Variants in SLIT1 observed in about 807,000 individuals in gnomAD.
SLIT1 encodes the protein slit homolog 1 protein.
A neutral mutation model predicts 186.1 loss-of-function variants in SLIT1; 66 were observed. The ratio of observed to expected loss-of-function variants is 0.35; its 90% CI spans 0.29 to 0.44. SLIT1 has a LOEUF of 0.44. Ranked by LOEUF, SLIT1 falls within the 20% of genes least tolerant of loss-of-function variation. The pLI, the probability that SLIT1 is intolerant of heterozygous loss-of-function variation, is 1.00. For missense variants in SLIT1, 1,638 were observed against 2,037.4 expected, an observed-to-expected ratio of 0.80 and a Z score of 3.77; for synonymous variants, 761 against 833.8, an observed-to-expected ratio of 0.91 and a Z score of 1.50.
rs1262027553 is a variant in SLIT1, at chr10:97,004,637, T to A, written c.3710+56A>T. 3 of 1,607,316 alleles carry A rather than the reference T, an allele frequency of 1.9e-6. No individual in the cohort carries two copies. Among genetic ancestry groups the A allele is most frequent in the Non-Finnish European group, 2.6e-6 (3 of 1,175,186 alleles). Reference sequence around the variant, plus strand: ...CCACCTGCTTTTGGCCCAGGAGACCTCGCCCTGGCAGTCCCGTACCCCTGA... The same window carrying A: ...CCACCTGCTTTTGGCCCAGGAGACCACGCCCTGGCAGTCCCGTACCCCTGA... On this transcript the variant is annotated intron_variant, in intron 33 of 36. Coordinates refer to ENST00000266058, the MANE Select transcript of SLIT1 (RefSeq NM_003061.3). This position sits in a 1 kb window ranked among gnomAD's most constrained non-coding sequence, Gnocchi z 5.1.
intron 4 of SLIT1, among the ~76,000 whole-genome samples, chr10:97,147,861 G>A (rs1349109310): frequency 2.0e-5 from 3 of 152,126 alleles, no homozygotes; most frequent in African/African-American, 7.2e-5. Context: ...TCCCACCCCT[G>A]TGTCTGCACA....
Position 97,005,442 on chromosome 10 carries a change from T to C in SLIT1, c.3580-619A>G, listed in dbSNP as rs191959300. Among the ~76,000 whole-genome samples, 5 of 152,340 alleles carry C rather than the reference T, an allele frequency of 3.3e-5. No homozygotes were observed. The East Asian group carries it at 7.7e-4, about 23-fold the overall frequency. ...CTTCTGGTAAAGACCCTGAGCCCCC[T>C]GGTCTGTGGAGCTGGGCATATGACC... On this transcript the variant is annotated intron_variant, in intron 32 of 36. Coordinates refer to ENST00000266058, the MANE Select transcript of SLIT1 (RefSeq NM_003061.3).
At chr10:97,139,130 C>T (rs113949522) in intron 4 of SLIT1, among the ~76,000 whole-genome samples, 4 of 152,140 alleles carry the variant, frequency 2.6e-5, no homozygotes, top group Non-Finnish European at 4.4e-5. Context: ...GCCAAGTCAG[C>T]GGGAGTGAGG....
At chr10:97,070,508 G>A (rs558716610) in intron 4 of SLIT1, among the ~76,000 whole-genome samples, 4 of 152,248 alleles carry the variant, frequency 2.6e-5, no homozygotes, top group East Asian at 1.9e-4. Context: ...CTGAATTATC[G>A]TTTCCTCTCA....
intron 4 of SLIT1, among the ~76,000 whole-genome samples, chr10:97,156,356 T>A (rs1369572149): frequency 6.6e-6 from 1 of 152,124 alleles, no homozygotes; most frequent in Non-Finnish European, 1.5e-5. Flanking sequence ...GGCTGGTGGA[T>A]CGCTTGAGCC....
At chr10:97,007,912 T>C (rs972652965) in intron 31 of SLIT1, among the ~76,000 whole-genome samples, 2 of 151,760 alleles carry the variant, frequency 1.3e-5, no homozygotes, top group Non-Finnish European at 2.9e-5. Context: ...ACAATTTCTA[T>C]TCAATATTTT....
At chr10:97,130,060 G>T (rs562798192) in intron 4 of SLIT1, among the ~76,000 whole-genome samples, 41 of 152,236 alleles carry the variant, frequency 2.7e-4, no homozygotes, top group Non-Finnish European at 5.0e-4. Flanking sequence ...CCTCTCCGCC[G>T]CCAGGAACAG....
intron 4 of SLIT1, among the ~76,000 whole-genome samples, chr10:97,078,800 G>T (rs1849073330): frequency 6.6e-6 from 1 of 152,228 alleles, no homozygotes; most frequent in Admixed American, 6.5e-5. Context: ...AGGCCTCCGG[G>T]CTTACTCAAC....
In SLIT1 at chr10:97,049,115, G is replaced by A. The variant is rs2134627651; in HGVS notation, c.1305C>T (p.His435=). Residue 435 remains histidine, a synonymous_variant, in exon 14 of 37, where the codon CAC becomes CAT. Coordinates refer to ENST00000266058, the MANE Select transcript of SLIT1 (RefSeq NM_003061.3). ...CGCAAATGAAAGGGTTCTGCGCCAGGTGCCTGTCCAAAGCAGGCAGATCAG... is the reference window on the plus strand; with the variant it reads ...CGCAAATGAAAGGGTTCTGCGCCAGATGCCTGTCCAAAGCAGGCAGATCAG... The part of the protein sequence containing the change: ...FTSLRAIQTL[H]LAQNPFICDC... 3 of 1,612,502 alleles carry A rather than the reference G, an allele frequency of 1.9e-6. No homozygotes were observed. The highest frequency in any genetic ancestry group is 1.7e-6 in the Non-Finnish European group (2 of 1,179,788).
At chr10:97,071,912 T>C (rs1213166111) in intron 4 of SLIT1, among the ~76,000 whole-genome samples, 3 of 152,142 alleles carry the variant, frequency 2.0e-5, no homozygotes, top group Non-Finnish European at 4.4e-5. Flanking sequence ...AGCATCAAAG[T>C]ACAATTCAGC....
At chr10:97,030,614 C>A in intron 25 of SLIT1, 143 bp downstream of exon 25, 1 of 678,138 alleles carries the variant, frequency 1.5e-6, no homozygotes, top group Non-Finnish European at 2.7e-6. Context: ...ATAAGAGTCC[C>A]AGAAGGTGCA....
intron 1 of SLIT1, among the ~76,000 whole-genome samples, chr10:97,170,125 C>A (rs890283266): frequency 3.9e-5 from 6 of 152,222 alleles, no homozygotes; most frequent in Non-Finnish European, 8.8e-5. Flanking sequence ...ATCGGCGGCT[C>A]CCCCGCCAGG....
At chr10:97,173,959 G>A (rs1406995384) in intron 1 of SLIT1, among the ~76,000 whole-genome samples, 1 of 152,178 alleles carries the variant, frequency 6.6e-6, no homozygotes, top group East Asian at 1.9e-4. Flanking sequence ...TCAGCAGCAG[G>A]GCTTCCACTC....
At chr10:97,124,391 C>T (rs1051115027) in intron 4 of SLIT1, among the ~76,000 whole-genome samples, 11 of 152,218 alleles carry the variant, frequency 7.2e-5, no homozygotes, top group South Asian at 2.1e-4. Flanking sequence ...CTCCTCAGCA[C>T]GGTAGCTGCC....
chr10:97,002,648 C>A, intron 35 of SLIT1, 56 bp downstream of exon 35: 1 of 1,471,278 alleles, frequency 6.8e-7, no homozygotes, highest in East Asian at 2.3e-5. Flanking sequence ...CAGCCCTTCC[C>A]ATGGGGAAGG....
At chr10:97,049,275 C>A (rs1283829939) in intron 13 of SLIT1, among the ~76,000 whole-genome samples, 157 bp from the exon 14 acceptor site, 3 of 152,136 alleles carry the variant, frequency 2.0e-5, no homozygotes, top group Non-Finnish European at 1.5e-5. Flanking sequence ...TGGGGTGAAC[C>A]CCCAGGGTGC....
chr10:97,013,998 C>A, intron 29 of SLIT1, 21 bp downstream of exon 29: 1 of 1,611,520 alleles, frequency 6.2e-7, no homozygotes. Context: ...CCCCCAGACA[C>A]TGCTGCCCTG....
intron 22 of SLIT1, among the ~76,000 whole-genome samples, chr10:97,035,032 G>A (rs1848625935): frequency 6.6e-6 from 1 of 152,216 alleles, no homozygotes; most frequent in South Asian, 2.1e-4. Flanking sequence ...GTCGGAGGCA[G>A]AGCCAGATTC....
chr10:97,180,673 G>T (rs539956810), intron 1 of SLIT1, among the ~76,000 whole-genome samples: 1 of 152,118 alleles, frequency 6.6e-6, no homozygotes, highest in Non-Finnish European at 1.5e-5. Flanking sequence ...ACGACCATCC[G>T]CCCTGCATAC....
Sources: allele counts gnomAD v4.1 joint callset (sites outside exome capture counted in the v4.1 genomes callset), GRCh38; gene constraint gnomAD v4.1.1; non-coding constraint Gnocchi (gnomAD v3.1); transcripts MANE v1.5; gene names NCBI Gene and HGNC (gene_info 2026-07-23, HGNC 2026-07-21).